ZNF623: variants seen among roughly 807,000 people sequenced by gnomAD.
The protein encoded by ZNF623 is zinc finger protein 623.
ZNF623 carries 16 observed loss-of-function variants against 24.0 expected under a neutral mutation model. The ratio of observed to expected loss-of-function variants is 0.67; its 90% CI spans 0.45 to 1.01. The LOEUF (loss-of-function observed/expected upper bound fraction) is 1.01, where lower values mean the gene tolerates loss of function less well. Among genes scored for constraint, ZNF623 ranks in the 50% least tolerant of loss-of-function variants. The pLI, the probability that ZNF623 is intolerant of heterozygous loss-of-function variation, is 0.00. For missense variants in ZNF623, 566 were observed against 606.5 expected (o/e 0.93, Z 0.70); for synonymous variants, 224 against 219.8 (o/e 1.02, Z -0.17).
chr8:143,651,310 A>C lies in ZNF623; in HGVS notation c.1318A>C (p.Ile440Leu). ...QRSNFLQHQK[I>L]HTEEKLYECS... ...GTCAAACTTCCTTCAACACCAGAAAATTCATACTGAAGAGAAGCTCTATGA... is the reference window on the plus strand; with the variant it reads ...GTCAAACTTCCTTCAACACCAGAAACTTCATACTGAAGAGAAGCTCTATGA... The change falls in exon 2 of 2, where the codon ATT becomes CTT. Residue 440 changes from isoleucine to leucine, a missense_variant. This residue lies in a region of ZNF623 where 136 missense variants were observed against 131.9 expected (regional missense o/e 1.03). Coordinates refer to ENST00000526926, the MANE Select transcript of ZNF623 (RefSeq NM_001261843.2). The C allele has an allele frequency of 1.2e-6, 2 of 1,614,176 alleles. No homozygotes were observed. Among genetic ancestry groups the C allele is most frequent in the Non-Finnish European group, 1.7e-6 (2 of 1,180,024 alleles).
At chr8:143,639,762 TG>T (rs1815009299) in intron 1 of ZNF623, among the ~76,000 whole-genome samples, 1 of 152,224 alleles carries the variant, frequency 6.6e-6, no homozygotes. Context: ...TCAAATACGG[TG>T]TTTCAAATAA....
In ZNF623 at chr8:143,653,225, A is replaced by C. The variant is rs1815380001; in HGVS notation, c.*1742A>C. 2 of 167,218 alleles carry C rather than the reference A, an allele frequency of 1.2e-5. No individual in the cohort carries two copies. Among genetic ancestry groups the C allele is most frequent in the South Asian group, 4.1e-4 (2 of 4,822 alleles). 10.4% of individuals were successfully genotyped at this position (167,218 alleles called of 1,614,324 possible). A position where few individuals can be genotyped will look rare whatever the true frequency, so the allele number is the denominator to read the frequency against. The stretch of plus-strand genomic sequence containing the variant: ...CTGTTAGTCTTTACCTCTGAATTTC[A>C]TCTGGACATGAACCCCAAAGTCCAG... On this transcript the variant is annotated 3_prime_UTR_variant, in exon 2 of 2. Coordinates refer to ENST00000526926, the MANE Select transcript of ZNF623 (RefSeq NM_001261843.2).
intron 1 of ZNF623, among the ~76,000 whole-genome samples, chr8:143,643,753 T>G (rs1587327290): frequency 6.6e-6 from 1 of 152,260 alleles, no homozygotes; most frequent in Non-Finnish European, 1.5e-5. Context: ...AGCTCTTTTG[T>G]GCCTGGCTGC....
chr8:143,638,351 A>G lies in ZNF623; in HGVS notation c.-96+2206A>G, dbSNP rs550259228. Among the ~76,000 whole-genome samples, 11 of 149,990 alleles carry G rather than the reference A, an allele frequency of 7.3e-5. No individual in the cohort carries two copies. In the East Asian group the frequency reaches 1.4e-3, roughly 19 times the overall value. On this transcript the variant is annotated intron_variant, in intron 1 of 1. Transcript: ENST00000526926. Reference sequence around the variant, plus strand: ...GTGAGATTCCGTCTTAAAAAAAAAAAAAAAACTTTCTCAAAAGTTAAAAAA... The same window carrying G: ...GTGAGATTCCGTCTTAAAAAAAAAAGAAAAACTTTCTCAAAAGTTAAAAAA...
intron 1 of ZNF623, among the ~76,000 whole-genome samples, chr8:143,641,306 A>G (rs1277113945): frequency 1.3e-5 from 2 of 152,208 alleles, no homozygotes; most frequent in Non-Finnish European, 2.9e-5. Context: ...ATATTTCTTA[A>G]TAAGACTTGA....
At chr8:143,642,515 G>A (rs560101939) in intron 1 of ZNF623, among the ~76,000 whole-genome samples, 1 of 152,282 alleles carries the variant, frequency 6.6e-6, no homozygotes, top group Admixed American at 6.5e-5. Flanking sequence ...CCGCTCAGCC[G>A]TTTGATGCAA....
At chr8:143,646,173 C>G (rs908605622) in intron 1 of ZNF623, among the ~76,000 whole-genome samples, 1 of 152,016 alleles carries the variant, frequency 6.6e-6, no homozygotes, top group Non-Finnish European at 1.5e-5. Context: ...TCCCAAATAG[C>G]TGGGACCACA....
rs754135397 is a variant in ZNF623, at chr8:143,641,824, A to C, written c.-96+5679A>C. ...AGCAGTAGGTCTCATTAGTGAGCTT[A>C]AAATACTCCATAAACCATGCTGTAA... is the stretch of plus-strand genomic sequence containing the variant. On this transcript the variant is annotated intron_variant, in intron 1 of 1. Transcript: ENST00000526926. Among the ~76,000 whole-genome samples, 9 of 152,326 alleles carry C rather than the reference A, an allele frequency of 5.9e-5. No homozygotes were observed. In the South Asian group the frequency reaches 6.2e-4, roughly 11 times the overall value.
intron 1 of ZNF623, among the ~76,000 whole-genome samples, chr8:143,641,227 G>T (rs1365885368): frequency 1.3e-5 from 2 of 152,192 alleles, no homozygotes; most frequent in South Asian, 4.1e-4. Context: ...CTCCTTTCCA[G>T]AAGGTTTTCG....
At chr8:143,637,138 T>C (rs80228726) in intron 1 of ZNF623, among the ~76,000 whole-genome samples, 6,317 of 152,282 alleles carry the variant, frequency 0.041, 406 homozygotes, top group African/African-American at 0.14. Context: ...TCTCTGACCT[T>C]ACGCTTCTTA....
chr8:143,653,627 AT>A lies in ZNF623; in HGVS notation c.*2146del, dbSNP rs1315611301. The A allele has an allele frequency of 1.2e-5, 2 of 167,034 alleles. No individual in the cohort carries two copies. The highest frequency in any genetic ancestry group is 2.9e-5 in the Non-Finnish European group (2 of 68,112). 10.3% of individuals were successfully genotyped at this position (167,034 alleles called of 1,614,324 possible). A position where few individuals can be genotyped will look rare whatever the true frequency, so the allele number is the denominator to read the frequency against. On this transcript the variant is annotated 3_prime_UTR_variant, in exon 2 of 2. Coordinates refer to ENST00000526926, the MANE Select transcript of ZNF623 (RefSeq NM_001261843.2). ...AGATAACCACTTTCTATCCTCATAGATTAGTGTTGCTTGGTTTAGAGCCTCA... is the reference window on the plus strand; with the variant it reads ...AGATAACCACTTTCTATCCTCATAGATAGTGTTGCTTGGTTTAGAGCCTCA...
Position 143,649,874 on chromosome 8 carries a change from T to C in ZNF623, c.-95-24T>C, listed in dbSNP as rs145332985. The C allele has an allele frequency of 2.2e-4, 358 of 1,597,182 alleles. 3 individuals carry two copies. The African/African-American group carries it at 4.2e-3, about 19-fold the overall frequency. Reference sequence around the variant, plus strand: ...CCCATCTGTTAAGTAAGGGGAAAGATGATTTTGTTGTCTTTTGTTTCAGAT... The same window carrying C: ...CCCATCTGTTAAGTAAGGGGAAAGACGATTTTGTTGTCTTTTGTTTCAGAT... On this transcript the variant is annotated intron_variant, in intron 1 of 1. Transcript: ENST00000526926.
chr8:143,647,262 G>A (rs1248807719), intron 1 of ZNF623, among the ~76,000 whole-genome samples: 1 of 152,192 alleles, frequency 6.6e-6, no homozygotes, highest in Non-Finnish European at 1.5e-5. Context: ...CTGGGTTCAG[G>A]CCATTCTCCT....
intron 1 of ZNF623, chr8:143,649,654 T>G: frequency 5.6e-6 from 3 of 534,812 alleles, no homozygotes; most frequent in East Asian, 3.0e-5. Context: ...GTCAGAGGAG[T>G]GTTGTGCACC....
intron 1 of ZNF623, among the ~76,000 whole-genome samples, chr8:143,636,901 A>G (rs1336748776): frequency 6.6e-6 from 1 of 152,158 alleles, no homozygotes; most frequent in African/African-American, 2.4e-5. Context: ...AGGGACTCTC[A>G]GGGTCTGGGC....
chr8:143,651,512 T>G lies in ZNF623; in HGVS notation c.*29T>G, dbSNP rs541069441. On this transcript the variant is annotated 3_prime_UTR_variant, in exon 2 of 2. Transcript: ENST00000526926. ...AATTACTTTCCCGCCCAGTGAGTGATGTTTGGAAATGCGTGGAATTAGGAT... is the reference window on the plus strand; with the variant it reads ...AATTACTTTCCCGCCCAGTGAGTGAGGTTTGGAAATGCGTGGAATTAGGAT... 4.6e-6 allele frequency: 7 copies of G among 1,529,596 alleles called. No homozygotes were observed. Among genetic ancestry groups the G allele is most frequent in the South Asian group, 2.6e-5 (2 of 76,168 alleles). The allele number at this position is 1,529,596 out of a possible 1,614,324, so 94.8% of individuals were successfully genotyped here. A position where few individuals can be genotyped will look rare whatever the true frequency, so the allele number is the denominator to read the frequency against.
chr8:143,648,768 C>T (rs906987266), intron 1 of ZNF623, among the ~76,000 whole-genome samples: 12 of 152,054 alleles, frequency 7.9e-5, no homozygotes, highest in African/African-American at 2.9e-4. Context: ...GGTGGAGATA[C>T]AGGCTGGCAG....
intron 1 of ZNF623, among the ~76,000 whole-genome samples, chr8:143,649,087 C>G (rs1406779909): frequency 6.6e-6 from 1 of 151,958 alleles, no homozygotes; most frequent in Non-Finnish European, 1.5e-5. Flanking sequence ...ACCATCCTGG[C>G]TAACACGGTA....
chr8:143,651,192 C>T lies in ZNF623; in HGVS notation c.1200C>T (p.Phe400=), dbSNP rs766473833. 1 of 1,614,190 alleles carries T rather than the reference C, an allele frequency of 6.2e-7. No homozygotes were observed. The highest frequency in any genetic ancestry group is 8.5e-7 in the Non-Finnish European group (1 of 1,180,036). ...AATGTAAAGACTGTGGGAAAGCCTT[C>T]ATCCAGAGCTCCAAGCTGCTTCTGC... ...PFECKDCGKA[F]IQSSKLLLHQ... is the part of the protein sequence containing the mutation. The change falls in exon 2 of 2, where the codon TTC becomes TTT. Residue 400 remains phenylalanine (F), a synonymous_variant. Transcript: ENST00000526926.
Sources: allele counts gnomAD v4.1 joint callset (sites outside exome capture counted in the v4.1 genomes callset), GRCh38; gene constraint gnomAD v4.1.1; regional missense constraint gnomAD v4.1.1; transcripts MANE v1.5; gene names NCBI Gene and HGNC (gene_info 2026-07-23, HGNC 2026-07-21).